PHACTR4: variants seen among roughly 807,000 people sequenced by gnomAD.
The protein encoded by PHACTR4 is phosphatase and actin regulator 4.
PHACTR4 carries 51 observed loss-of-function variants against 72.7 expected under a neutral mutation model. The observed-to-expected ratio is 0.70, with a 90% CI of 0.56 to 0.89. The LOEUF (loss-of-function observed/expected upper bound fraction) is 0.89, where lower values mean the gene tolerates loss of function less well. Among genes scored for constraint, PHACTR4 ranks in the 40% least tolerant of loss-of-function variants. The pLI is 0.00. For missense variants in PHACTR4, 731 were observed against 861.8 expected (o/e 0.85, Z 1.90); for synonymous variants, 255 against 302.5 (o/e 0.84, Z 1.63).
chr1:28,453,963 C>T (rs913611509), intron 2 of PHACTR4: 2 of 570,850 alleles, frequency 3.5e-6, no homozygotes, highest in African/African-American at 1.9e-5. Context: ...CGCCCGTAAT[C>T]TTAGCACTTT....
At chr1:28,423,874 G>A (rs1199580542) in intron 2 of PHACTR4, among the ~76,000 whole-genome samples, 2 of 152,160 alleles carry the variant, frequency 1.3e-5, no homozygotes, top group Non-Finnish European at 2.9e-5. Flanking sequence ...AAACAGAATT[G>A]GGAGAAGGAA....
intron 2 of PHACTR4, among the ~76,000 whole-genome samples, chr1:28,447,695 T>G (rs964327899): frequency 6.6e-6 from 1 of 152,140 alleles, no homozygotes; most frequent in Non-Finnish European, 1.5e-5. Flanking sequence ...GTGTGCACAT[T>G]AAGTTGCCAG....
intron 1 of PHACTR4, among the ~76,000 whole-genome samples, chr1:28,376,870 C>T (rs562342289): frequency 2.0e-5 from 3 of 150,520 alleles, no homozygotes; most frequent in African/African-American, 7.3e-5. Context: ...ATCTCCTGAC[C>T]TCGTGATCCA....
intron 1 of PHACTR4, among the ~76,000 whole-genome samples, chr1:28,392,385 A>G (rs1253648558): frequency 6.6e-6 from 1 of 151,502 alleles, no homozygotes; most frequent in East Asian, 1.9e-4. Context: ...ATTTGGATAT[A>G]CCAAGGATAA....
intron 1 of PHACTR4, among the ~76,000 whole-genome samples, chr1:28,405,121 CTG>C (rs1334718084): frequency 6.6e-6 from 1 of 152,130 alleles, no homozygotes; most frequent in East Asian, 1.9e-4. Context: ...TGCCTATTGA[CTG>C]TATATCTTCT....
intron 8 of PHACTR4, among the ~76,000 whole-genome samples, chr1:28,478,757 T>A (rs1276959874): frequency 1.3e-5 from 2 of 151,628 alleles, no homozygotes; most frequent in African/African-American, 4.8e-5. Flanking sequence ...ACTGGCCCGG[T>A]AGTTCTATTT....
chr1:28,387,533 A>C (rs1652654766), intron 1 of PHACTR4, among the ~76,000 whole-genome samples: 1 of 151,934 alleles, frequency 6.6e-6, no homozygotes, highest in African/African-American at 2.4e-5. Flanking sequence ...TCTAAATTTG[A>C]ATTTATTTCA....
At chr1:28,427,585 T>C (rs1336995152) in intron 2 of PHACTR4, among the ~76,000 whole-genome samples, 1 of 152,272 alleles carries the variant, frequency 6.6e-6, no homozygotes, top group East Asian at 1.9e-4. Flanking sequence ...AGGAAGTTAA[T>C]TTAGGAATGT....
At chr1:28,417,457 G>A (rs925146449) in intron 2 of PHACTR4, among the ~76,000 whole-genome samples, 5 of 152,090 alleles carry the variant, frequency 3.3e-5, no homozygotes, top group African/African-American at 1.2e-4. Flanking sequence ...CACAAGCACT[G>A]CAATACCGCC....
chr1:28,445,683 A>G (rs1657413938), intron 2 of PHACTR4, among the ~76,000 whole-genome samples: 1 of 152,138 alleles, frequency 6.6e-6, no homozygotes, highest in Non-Finnish European at 1.5e-5. Context: ...TACTGGAAGC[A>G]GTTTTGGGGA....
In PHACTR4 at chr1:28,496,895, A is replaced by C. The variant is rs899066837; in HGVS notation, c.*346A>C. On this transcript the variant is annotated 3_prime_UTR_variant, in exon 14 of 14. Transcript: ENST00000373839. ...TAGATGACTGCCTGTGCAGAGACAC[A>C]GTTTGCACCATTAGCCTTACCTGCC... 2.1e-5 allele frequency: 8 copies of C among 385,964 alleles called. No individual in the cohort carries two copies. Among genetic ancestry groups the C allele is most frequent in the African/African-American group, 1.2e-4 (6 of 48,574 alleles). The allele number at this position is 385,964 out of a possible 1,614,324, so 23.9% of individuals were successfully genotyped here. A position where few individuals can be genotyped will look rare whatever the true frequency, so the allele number is the denominator to read the frequency against.
chr1:28,451,781 C>G (rs1435572208), intron 2 of PHACTR4, among the ~76,000 whole-genome samples: 2 of 151,856 alleles, frequency 1.3e-5, no homozygotes, highest in African/African-American at 2.4e-5. Context: ...GTAGCTAAGA[C>G]TATAGGCAAG....
At chr1:28,452,127 C>G (rs1240627438) in intron 2 of PHACTR4, among the ~76,000 whole-genome samples, 1 of 152,018 alleles carries the variant, frequency 6.6e-6, no homozygotes, top group Non-Finnish European at 1.5e-5. Context: ...ACACAGGTTT[C>G]AACTGTGTGG....
chr1:28,382,546 G>A (rs899502483), intron 1 of PHACTR4, among the ~76,000 whole-genome samples: 1 of 150,904 alleles, frequency 6.6e-6, no homozygotes, highest in Non-Finnish European at 1.5e-5. Context: ...CTCGTGATCC[G>A]CCCGCCTCAG....
At chr1:28,445,270 T>C (rs1657371020) in intron 2 of PHACTR4, among the ~76,000 whole-genome samples, 1 of 152,070 alleles carries the variant, frequency 6.6e-6, no homozygotes, top group South Asian at 2.1e-4. Flanking sequence ...ATTATTCTTT[T>C]TTAAGACAGA....
At chr1:28,376,073 AAAACAAAC>A (rs146368743) in intron 1 of PHACTR4, among the ~76,000 whole-genome samples, 5 of 151,576 alleles carry the variant, frequency 3.3e-5, no homozygotes, top group African/African-American at 1.2e-4. Context: ...CCATCTCAAA[AAAACAAAC>A]AAACAAACAA....
chr1:28,477,472 C>T (rs1038408678), intron 8 of PHACTR4, among the ~76,000 whole-genome samples: 1 of 151,786 alleles, frequency 6.6e-6, no homozygotes, highest in Non-Finnish European at 1.5e-5. Flanking sequence ...CGTGCCTAGC[C>T]TATTTTTAAT....
intron 1 of PHACTR4, among the ~76,000 whole-genome samples, chr1:28,370,768 C>T (rs1651181219): frequency 6.6e-6 from 1 of 152,106 alleles, no homozygotes; most frequent in Non-Finnish European, 1.5e-5. Flanking sequence ...CCAGTGGCTT[C>T]TAGAAGTCAC....
intron 1 of PHACTR4, among the ~76,000 whole-genome samples, chr1:28,398,594 G>A (rs990849395): frequency 2.6e-4 from 40 of 152,094 alleles, no homozygotes; most frequent in African/African-American, 9.2e-4. Flanking sequence ...TAAGGCAGGC[G>A]GATCGCTTGA....
Sources: gnomAD v4.1 joint callset for allele counts (sites outside exome capture counted in the v4.1 genomes callset) on GRCh38, gnomAD v4.1.1 for gene constraint, MANE v1.5 for transcripts, NCBI Gene and HGNC (gene_info 2026-07-23, HGNC 2026-07-21) for gene names.